RPS6KA3: variants seen among roughly 807,000 people sequenced by gnomAD.
RPS6KA3 encodes the protein ribosomal protein S6 kinase alpha-3.
In RPS6KA3, 4 loss-of-function variants were observed where a neutral mutation model predicts 67.2. The observed-to-expected ratio is 0.06, with a 90% CI of 0.03 to 0.14. The LOEUF (loss-of-function observed/expected upper bound fraction) is 0.14. RPS6KA3 is among the 10% of genes least tolerant of loss of function. The pLI is 1.00. For synonymous variants in RPS6KA3, 182 were observed against 183.7 expected (o/e 0.99, Z 0.07); for missense variants, 204 against 559.0 (o/e 0.36, Z 6.40).
Position 20,156,316 on chromosome X carries a change from C to T in RPS6KA3, c.1960-67G>A, listed in dbSNP as rs1297375184. ...GCTTCTTTTTCTATGGCTCTTGATA[C>T]TAATGAACATTCTTCCTTAGCTTCT... On this transcript the variant is annotated intron_variant, in intron 20 of 21. Coordinates refer to ENST00000379565, the MANE Select transcript of RPS6KA3 (RefSeq NM_004586.3). 7.7e-6 allele frequency: 8 copies of T among 1,043,795 alleles called. No homozygotes were observed. In the Admixed American group the frequency reaches 1.5e-4, roughly 20 times the overall value. 86.0% of individuals were successfully genotyped at this position (1,043,795 alleles called of 1,213,427 possible).
At chrX:20,188,009 G>C in intron 8 of RPS6KA3, 39 bp from the exon 9 acceptor site, 2 of 1,148,720 alleles carry the variant, frequency 1.7e-6, no homozygotes, top group Non-Finnish European at 2.4e-6. Flanking sequence ...ACATAAATTT[G>C]CACATGTAAA....
intron 10 of RPS6KA3, among the ~76,000 whole-genome samples, chrX:20,183,020 T>A (rs1211684460): frequency 9.0e-6 from 1 of 111,082 alleles, no homozygotes; most frequent in Non-Finnish European, 1.9e-5. Flanking sequence ...CATTTTCTGA[T>A]TAACGAGGTT....
chrX:20,167,853 A>G, intron 16 of RPS6KA3, 106 bp from the exon 17 acceptor site: 1 of 547,935 alleles, frequency 1.8e-6, no homozygotes, highest in Non-Finnish European at 3.1e-6. Context: ...ATTCAAGACA[A>G]ATTTTATTTA....
At chrX:20,215,619 T>C (rs1219229069) in intron 2 of RPS6KA3, among the ~76,000 whole-genome samples, 1 of 112,138 alleles carries the variant, frequency 8.9e-6, no homozygotes. Flanking sequence ...GCCCAGATTG[T>C]ACTTAATGTC....
At chrX:20,243,741 G>A (rs1231399956) in intron 1 of RPS6KA3, among the ~76,000 whole-genome samples, 3 of 109,670 alleles carry the variant, frequency 2.7e-5, no homozygotes, top group South Asian at 3.9e-4. Flanking sequence ...TGATCCACCC[G>A]TCTCGGCCTC....
chrX:20,216,515 G>C (rs2068854645), intron 2 of RPS6KA3, among the ~76,000 whole-genome samples: 2 of 110,900 alleles, frequency 1.8e-5, no homozygotes, highest in Admixed American at 1.9e-4. Flanking sequence ...ATAAAGGTTA[G>C]AACATGATAA....
chrX:20,256,850 G>A (rs982829919), intron 1 of RPS6KA3, among the ~76,000 whole-genome samples: 1 of 111,851 alleles, frequency 8.9e-6, no homozygotes, highest in Non-Finnish European at 1.9e-5. Flanking sequence ...ATATATGTGA[G>A]AAGTCACCTA....
rs1290357053 is a variant in RPS6KA3, at chrX:20,153,286, A to G, written c.*2112T>C. On this transcript the variant is annotated 3_prime_UTR_variant, in exon 22 of 22. Coordinates refer to ENST00000379565, the MANE Select transcript of RPS6KA3 (RefSeq NM_004586.3). ...AGCTTTTAATAGCATCCATATATTC[A>G]AGAATTTGAAAATACTTTCTCTATC... 8.9e-6 allele frequency: 1 copy of G among 112,242 alleles called. No homozygotes were observed. The highest frequency in any genetic ancestry group is 3.2e-5 in the African/African-American group (1 of 30,903). The allele number at this position is 112,242 out of a possible 1,213,427, so 9.3% of individuals were successfully genotyped here. A position where few individuals can be genotyped will look rare whatever the true frequency, so the allele number is the denominator to read the frequency against.
rs763292392 is a variant in RPS6KA3 at position 20,162,917 on chromosome X, T to C, written c.1841+47A>G. The C allele has an allele frequency of 9.3e-6, 8 of 864,177 alleles. No individual in the cohort carries two copies. The East Asian group carries it at 9.3e-5, about 10-fold the overall frequency. 71.2% of individuals were successfully genotyped at this position (864,177 alleles called of 1,213,427 possible). On this transcript the variant is annotated intron_variant, in intron 19 of 21. Coordinates refer to ENST00000379565, the MANE Select transcript of RPS6KA3 (RefSeq NM_004586.3). Reference sequence around the variant, plus strand: ...AAACCTAGATAACTTAAGCAAAACATTGATGAACAAATGCTTAGGTGCTTA... The same window carrying C: ...AAACCTAGATAACTTAAGCAAAACACTGATGAACAAATGCTTAGGTGCTTA...
In RPS6KA3 at chrX:20,266,641, C is replaced by G. The variant is rs1215512279; in HGVS notation, c.-9G>C. The G allele has an allele frequency of 5.3e-6, 6 of 1,132,293 alleles. No homozygotes were observed. The highest frequency in any genetic ancestry group is 3.5e-5 in the East Asian group (1 of 28,906). The allele number at this position is 1,132,293 out of a possible 1,213,427, so 93.3% of individuals were successfully genotyped here. ...AGCTGCGCCAGCGGCATCTTCCCCC[C>G]CGGCCCGCCGCCTTCACCGCCTCCT... On this transcript the variant is annotated 5_prime_UTR_variant, in exon 1 of 22. Transcript: ENST00000379565.
At chrX:20,250,072 G>C (rs185170084) in intron 1 of RPS6KA3, among the ~76,000 whole-genome samples, 1 of 112,257 alleles carries the variant, frequency 8.9e-6, no homozygotes, top group Non-Finnish European at 1.9e-5. Flanking sequence ...CTGTACTTAC[G>C]TGGGTCTATT....
intron 3 of RPS6KA3, among the ~76,000 whole-genome samples, chrX:20,208,266 C>T (rs1417803899): frequency 9.0e-6 from 1 of 110,529 alleles, no homozygotes; most frequent in Admixed American, 9.7e-5. Flanking sequence ...AACGGCAATG[C>T]TCACCCGGGG....
intron 2 of RPS6KA3, among the ~76,000 whole-genome samples, chrX:20,217,689 C>T (rs1021785733): frequency 7.1e-5 from 8 of 112,301 alleles, no homozygotes; most frequent in Non-Finnish European, 1.1e-4. Flanking sequence ...AAAATGCATA[C>T]TTTATTTGCC....
intron 2 of RPS6KA3, among the ~76,000 whole-genome samples, chrX:20,232,342 A>T (rs1015426683): frequency 2.7e-5 from 3 of 112,260 alleles, no homozygotes; most frequent in Non-Finnish European, 5.6e-5. Flanking sequence ...TGGGAGGCCG[A>T]GGCGAGCAGA....
intron 14 of RPS6KA3, among the ~76,000 whole-genome samples, chrX:20,173,944 T>C (rs1270462833): frequency 2.7e-5 from 3 of 112,694 alleles, no homozygotes; most frequent in East Asian, 5.5e-4. Flanking sequence ...TTTGAGTTCA[T>C]TTTTATTTCT....
rs186256072 is a variant in RPS6KA3 at position 20,179,830 on chromosome X, C to T, written c.846-2746G>A. ...CATGGCTGGTGCATAGTGGCTCATG[C>T]CTGTAATCCCAACACTTTGGGAGGC... On this transcript the variant is annotated intron_variant, in intron 10 of 21. Coordinates refer to ENST00000379565, the MANE Select transcript of RPS6KA3 (RefSeq NM_004586.3). Among the ~76,000 whole-genome samples the T allele has an allele frequency of 3.7e-3, 416 of 110,948 alleles. 3 individuals are homozygous for T. The highest frequency in any genetic ancestry group is 5.2e-3 in the Non-Finnish European group (273 of 52,928).
intron 2 of RPS6KA3, among the ~76,000 whole-genome samples, chrX:20,212,229 G>A (rs1370232514): frequency 8.9e-6 from 1 of 111,969 alleles, no homozygotes; most frequent in Non-Finnish European, 1.9e-5. Context: ...TGGACACGGT[G>A]GCTCATGCCT....
chrX:20,225,138 G>A (rs2069078593), intron 2 of RPS6KA3, among the ~76,000 whole-genome samples: 1 of 110,245 alleles, frequency 9.1e-6, no homozygotes, highest in South Asian at 3.9e-4. Context: ...CTGAAGGAAT[G>A]GGTATTGTGA....
chrX:20,236,940 T>G (rs146404872), intron 1 of RPS6KA3, among the ~76,000 whole-genome samples: 30 of 111,678 alleles, frequency 2.7e-4, no homozygotes, highest in African/African-American at 8.1e-4. Context: ...TCGTCCGACA[T>G]AGAGATTCAA....
Sources: allele counts gnomAD v4.1 joint callset (sites outside exome capture counted in the v4.1 genomes callset), GRCh38; gene constraint gnomAD v4.1.1; transcripts MANE v1.5; gene names NCBI Gene and HGNC (gene_info 2026-07-23, HGNC 2026-07-21).